POU6F2: variants seen among roughly 807,000 people sequenced by gnomAD.
The protein encoded by POU6F2 is POU class 6 homeobox 2, also known as POU domain, class 6, transcription factor 2.
In POU6F2, 31 loss-of-function variants were observed where a neutral mutation model predicts 71.3. The observed-to-expected ratio is 0.43, with a 90% CI of 0.33 to 0.59. The LOEUF is 0.59. Among genes scored for constraint, POU6F2 ranks in the 20% least tolerant of loss-of-function variants. The pLI is 0.04. For missense variants in POU6F2, 783 were observed against 856.8 expected (o/e 0.91, Z 1.07); for synonymous variants, 347 against 355.7 (o/e 0.98, Z 0.27).
chr7:39,272,148 G>A (rs931128648), intron 4 of POU6F2, among the ~76,000 whole-genome samples: 1 of 152,200 alleles, frequency 6.6e-6, no homozygotes, highest in African/African-American at 2.4e-5. Context: ...GGATCATAGG[G>A]AAGAAACCAT....
intron 2 of POU6F2, among the ~76,000 whole-genome samples, chr7:39,169,612 A>T (rs1415147075): frequency 6.6e-6 from 1 of 152,166 alleles, no homozygotes; most frequent in East Asian, 1.9e-4. Context: ...ATCAGACTTG[A>T]ACTAAATATA....
At chr7:39,142,099 A>C (rs910389931) in intron 2 of POU6F2, among the ~76,000 whole-genome samples, 5 of 151,918 alleles carry the variant, frequency 3.3e-5, no homozygotes, top group Admixed American at 1.3e-4. Context: ...GAAAAACAAC[A>C]ACCAAAAAAA....
At chr7:39,163,430 C>T (rs1195269914) in intron 2 of POU6F2, among the ~76,000 whole-genome samples, 1 of 152,116 alleles carries the variant, frequency 6.6e-6, no homozygotes, top group Non-Finnish European at 1.5e-5. Flanking sequence ...GATGGAGATT[C>T]AGAGACTTGG....
At chr7:39,285,508 AG>A (rs1784635970) in intron 4 of POU6F2, among the ~76,000 whole-genome samples, 1 of 152,188 alleles carries the variant, frequency 6.6e-6, no homozygotes, top group Non-Finnish European at 1.5e-5. Flanking sequence ...ATATAGGGAA[AG>A]TTGCCAGCTT....
At chr7:39,338,049 A>C (rs1267951306) in intron 4 of POU6F2, among the ~76,000 whole-genome samples, 2 of 152,214 alleles carry the variant, frequency 1.3e-5, no homozygotes, top group Non-Finnish European at 2.9e-5. Context: ...GCAGTATGGT[A>C]TTTAAGTCAA....
chr7:39,395,937 T>G (rs1787166239), intron 5 of POU6F2, among the ~76,000 whole-genome samples: 1 of 152,036 alleles, frequency 6.6e-6, no homozygotes, highest in African/African-American at 2.4e-5. Context: ...TGATAGAATA[T>G]AAAAAAACAA....
At chr7:39,457,458 C>T (rs1273992577) in intron 8 of POU6F2, among the ~76,000 whole-genome samples, 26 of 152,216 alleles carry the variant, frequency 1.7e-4, no homozygotes, top group Non-Finnish European at 1.0e-4. Flanking sequence ...GGTGGGATGC[C>T]TGCTCCGGAG....
intron 7 of POU6F2, among the ~76,000 whole-genome samples, chr7:39,448,519 T>C (rs1321754729): frequency 1.3e-5 from 2 of 152,344 alleles, no homozygotes; most frequent in South Asian, 4.1e-4. Context: ...ACATCTTAGA[T>C]TCCTTTTGAC....
At chr7:39,243,965 G>A (rs1783772987) in intron 4 of POU6F2, among the ~76,000 whole-genome samples, 2 of 152,008 alleles carry the variant, frequency 1.3e-5, no homozygotes, top group South Asian at 4.1e-4. Context: ...GTTGAGAGAG[G>A]AGACTTGAAG....
chr7:39,438,327 T>G (rs1210249022), intron 7 of POU6F2, among the ~76,000 whole-genome samples: 3 of 152,370 alleles, frequency 2.0e-5, no homozygotes, highest in Non-Finnish European at 4.4e-5. Context: ...GTGCCACATT[T>G]TCTTAATCCA....
intron 5 of POU6F2, among the ~76,000 whole-genome samples, chr7:39,385,474 G>A (rs1786918244): frequency 6.6e-6 from 1 of 152,218 alleles, no homozygotes; most frequent in African/African-American, 2.4e-5. Flanking sequence ...GCTTGGAGGT[G>A]TGAAAGAACA....
chr7:39,155,037 T>G (rs1300745383), intron 2 of POU6F2, among the ~76,000 whole-genome samples: 1 of 152,064 alleles, frequency 6.6e-6, no homozygotes, highest in African/African-American at 2.4e-5. Flanking sequence ...TCCCCTCTCA[T>G]CCATAAAAGA....
intron 2 of POU6F2, among the ~76,000 whole-genome samples, chr7:39,175,969 C>G (rs1229954232): frequency 6.6e-6 from 1 of 152,172 alleles, no homozygotes; most frequent in African/African-American, 2.4e-5. Context: ...CCATGGCTGC[C>G]TTTATCTTAG....
At chr7:39,298,460 C>A (rs1200850725) in intron 4 of POU6F2, among the ~76,000 whole-genome samples, 1 of 152,084 alleles carries the variant, frequency 6.6e-6, no homozygotes, top group Non-Finnish European at 1.5e-5. Context: ...CCACAAGATA[C>A]CATCTCATGC....
chr7:39,278,626 CCT>C (rs1784504638), intron 4 of POU6F2, among the ~76,000 whole-genome samples: 1 of 152,126 alleles, frequency 6.6e-6, no homozygotes, highest in Admixed American at 6.5e-5. Flanking sequence ...TTGTCCCACC[CCT>C]GTGTAAGGGC....
chr7:39,093,877 A>G (rs1212114104), intron 2 of POU6F2, among the ~76,000 whole-genome samples: 2 of 152,094 alleles, frequency 1.3e-5, no homozygotes. Flanking sequence ...GTGTGTGTCT[A>G]TGGTCTGCTT....
At chr7:39,439,273 C>T (rs1358516792) in intron 7 of POU6F2, among the ~76,000 whole-genome samples, 1 of 151,940 alleles carries the variant, frequency 6.6e-6, no homozygotes, top group South Asian at 2.1e-4. Flanking sequence ...AGATGGGTCT[C>T]CTGAATACAA....
intron 4 of POU6F2, among the ~76,000 whole-genome samples, chr7:39,322,724 G>A (rs954992095): frequency 6.6e-6 from 1 of 152,200 alleles, no homozygotes; most frequent in Non-Finnish European, 1.5e-5. Context: ...TTTAGGATAT[G>A]GCTCCAGATG....
At chr7:39,264,151 C>T (rs188312733) in intron 4 of POU6F2, among the ~76,000 whole-genome samples, 559 of 152,320 alleles carry the variant, frequency 3.7e-3, no homozygotes, top group African/African-American at 0.013. Context: ...CTGAGCCCAG[C>T]TTCCCCACTT....
Sources: gnomAD v4.1 joint callset for allele counts (sites outside exome capture counted in the v4.1 genomes callset) on GRCh38, gnomAD v4.1.1 for gene constraint, MANE v1.5 for transcripts, NCBI Gene and HGNC (gene_info 2026-07-23, HGNC 2026-07-21) for gene names.